CDC42BPB: variants seen among roughly 807,000 people sequenced by gnomAD.
The protein encoded by CDC42BPB is serine/threonine-protein kinase MRCK beta.
Under a neutral mutation model 214.9 loss-of-function variants are expected in CDC42BPB, and 37 were observed. The ratio of observed to expected loss-of-function variants is 0.17; its 90% CI spans 0.13 to 0.23. The LOEUF (loss-of-function observed/expected upper bound fraction) is 0.23, where lower values mean the gene tolerates loss of function less well. Among genes scored for constraint, CDC42BPB ranks in the 10% least tolerant of loss-of-function variants. The probability of loss-of-function intolerance (pLI) is 1.00; values close to 1 mark genes in which losing one functional copy is unlikely to be tolerated. For synonymous variants in CDC42BPB, 931 were observed against 884.0 expected (o/e 1.05, Z -0.94); for missense variants, 1,694 against 2,227.0 (o/e 0.76, Z 4.82).
chr14:102,949,392 G>T (rs1221470450), intron 26 of CDC42BPB, among the ~76,000 whole-genome samples: 3 of 152,090 alleles, frequency 2.0e-5, no homozygotes, highest in Admixed American at 1.3e-4. Context: ...CACCTGCTGC[G>T]GTCTCTAAAA....
intron 2 of CDC42BPB, chr14:103,008,772 C>T (rs1885988040): frequency 1.3e-6 from 1 of 742,014 alleles, no homozygotes; most frequent in Admixed American, 6.3e-5. Context: ...AGTTTCACTC[C>T]TGCAAATTCA....
chr14:102,963,119 T>C lies in CDC42BPB; in HGVS notation c.2763A>G (p.Leu921=). 1 of 1,596,424 alleles carries C rather than the reference T, an allele frequency of 6.3e-7. No homozygotes were observed. Among genetic ancestry groups the C allele is most frequent in the South Asian group, 1.1e-5 (1 of 90,164 alleles). ...TCTTCAAAATTTCCATTTCTTCTAA[T>C]AATTCTCTGTTTTTGGCTTCGGAAT... The part of the protein sequence containing the change: ...LKDSEAKNRE[L]LEEMEILKKK... The change falls in exon 20 of 37, where the codon TTA becomes TTG. Residue 921 remains leucine (L), a synonymous_variant. Transcript: ENST00000361246.
At chr14:103,034,319 A>G (rs1447838959) in intron 1 of CDC42BPB, among the ~76,000 whole-genome samples, 1 of 152,204 alleles carries the variant, frequency 6.6e-6, no homozygotes, top group Non-Finnish European at 1.5e-5. Context: ...AGTTTGAGAC[A>G]AACCTGGGCT....
At chr14:103,031,599 C>T (rs992803446) in intron 1 of CDC42BPB, among the ~76,000 whole-genome samples, 1 of 152,168 alleles carries the variant, frequency 6.6e-6, no homozygotes, top group Non-Finnish European at 1.5e-5. Flanking sequence ...TTTTCCAGAA[C>T]GTCTGGCGAT....
intron 1 of CDC42BPB, among the ~76,000 whole-genome samples, chr14:103,019,819 G>T (rs1489370462): frequency 6.6e-6 from 1 of 152,172 alleles, no homozygotes; most frequent in Non-Finnish European, 1.5e-5. Context: ...GAAAACAATG[G>T]ATTAATCAAT....
chr14:103,008,502 G>C lies in CDC42BPB; in HGVS notation c.321C>G (p.Leu107=). The C allele has an allele frequency of 6.2e-7, 1 of 1,611,968 alleles. No homozygotes were observed. Among genetic ancestry groups the C allele is most frequent in the Admixed American group, 1.7e-5 (1 of 60,026 alleles). The part of the protein sequence containing the change: ...NTERIYAMKI[L]NKWEMLKRAE... ...CTCTTTTCAGCATCTCCCACTTGTTGAGGATTTTCATTGCATAAATTCGTT... is the reference window on the plus strand; with the variant it reads ...CTCTTTTCAGCATCTCCCACTTGTTCAGGATTTTCATTGCATAAATTCGTT... Residue 107 remains leucine (L), a synonymous_variant, in exon 3 of 37, where the codon CTC becomes CTG. Coordinates refer to ENST00000361246, the MANE Select transcript of CDC42BPB (RefSeq NM_006035.4).
At chr14:102,966,515 G>A (rs1416692770) in intron 17 of CDC42BPB, 128 bp from the exon 18 acceptor site, 2 of 1,478,272 alleles carry the variant, frequency 1.4e-6, no homozygotes, top group East Asian at 2.5e-5. Context: ...AGTGCCCGCA[G>A]TGTACCCGTT....
intron 18 of CDC42BPB, 131 bp downstream of exon 18, chr14:102,966,151 T>C (rs534728234): frequency 1.3e-5 from 8 of 614,552 alleles, no homozygotes; most frequent in Non-Finnish European, 2.3e-5. Context: ...TTCCTTAAAT[T>C]GGGGAACTGG....
At chr14:103,002,805 C>T (rs920122267) in intron 4 of CDC42BPB, among the ~76,000 whole-genome samples, 1 of 152,120 alleles carries the variant, frequency 6.6e-6, no homozygotes, top group Non-Finnish European at 1.5e-5. Context: ...GACGGGGACC[C>T]CTGTGGGCCT....
intron 5 of CDC42BPB, 46 bp from the exon 6 acceptor site, chr14:102,986,626 A>G (rs1013161779): frequency 1.3e-6 from 2 of 1,599,058 alleles, no homozygotes; most frequent in African/African-American, 1.3e-5. Flanking sequence ...CATGCAACAC[A>G]TTAGGTAGAT....
At chr14:102,978,240 A>G (rs780440074) in intron 8 of CDC42BPB, 35 bp from the exon 9 acceptor site, 1 of 1,604,710 alleles carries the variant, frequency 6.2e-7, no homozygotes, top group South Asian at 1.1e-5. Flanking sequence ...AATGAAATCT[A>G]CATTCAAACA....
chr14:102,960,412 T>C (rs1892906760), intron 20 of CDC42BPB, among the ~76,000 whole-genome samples: 1 of 151,366 alleles, frequency 6.6e-6, no homozygotes, highest in African/African-American at 2.4e-5. Context: ...AGGCCATGAG[T>C]TTGAGACCAG....
At chr14:103,033,458 A>G (rs913766132) in intron 1 of CDC42BPB, among the ~76,000 whole-genome samples, 1 of 151,936 alleles carries the variant, frequency 6.6e-6, no homozygotes, top group African/African-American at 2.4e-5. Flanking sequence ...TCCTGACCTC[A>G]TGATCCACCC....
At chr14:102,947,585 C>A in intron 27 of CDC42BPB, 136 bp downstream of exon 27, 1 of 777,740 alleles carries the variant, frequency 1.3e-6, no homozygotes, top group South Asian at 1.6e-5. Flanking sequence ...CGCACAAGGA[C>A]CTGGAGCCAG....
At chr14:102,996,427 G>A (rs956254829) in intron 5 of CDC42BPB, among the ~76,000 whole-genome samples, 3 of 152,148 alleles carry the variant, frequency 2.0e-5, no homozygotes, top group Non-Finnish European at 4.4e-5. Flanking sequence ...TAATTTCCCT[G>A]GAGATCTGTG....
At chr14:102,984,620 C>T (rs984007218) in intron 6 of CDC42BPB, among the ~76,000 whole-genome samples, 4 of 151,988 alleles carry the variant, frequency 2.6e-5, no homozygotes. Flanking sequence ...TCAGAGCAAG[C>T]GGGAGGAGCC....
chr14:102,956,454 A>G (rs1892709172), intron 21 of CDC42BPB: 1 of 982,706 alleles, frequency 1.0e-6, no homozygotes, highest in Non-Finnish European at 1.2e-6. Flanking sequence ...AATTTTCAAA[A>G]GAGTCTGGAA....
At chr14:102,979,263 G>A (rs1284392003) in intron 8 of CDC42BPB, among the ~76,000 whole-genome samples, 1 of 151,466 alleles carries the variant, frequency 6.6e-6, no homozygotes, top group Non-Finnish European at 1.5e-5. Flanking sequence ...ACCCAGGCCG[G>A]AGTGCAGTGG....
At chr14:102,990,727 A>C (rs1894454859) in intron 5 of CDC42BPB, among the ~76,000 whole-genome samples, 1 of 152,346 alleles carries the variant, frequency 6.6e-6, no homozygotes, top group East Asian at 1.9e-4. Context: ...GAGTGGGGAC[A>C]GAGAAGGTAT....
Sources: allele counts gnomAD v4.1 joint callset (sites outside exome capture counted in the v4.1 genomes callset), GRCh38; gene constraint gnomAD v4.1.1; transcripts MANE v1.5; gene names NCBI Gene and HGNC (gene_info 2026-07-23, HGNC 2026-07-21).